Variants in ACTR3C observed in about 807,000 individuals in gnomAD.
The protein encoded by ACTR3C is actin related protein 3C.
A neutral mutation model predicts 26.3 loss-of-function variants in ACTR3C; 18 were observed. The ratio of observed to expected loss-of-function variants is 0.68; its 90% CI spans 0.47 to 1.01. The LOEUF (loss-of-function observed/expected upper bound fraction) is 1.01. ACTR3C is among the 50% of genes least tolerant of loss of function. The pLI is 0.00. For synonymous variants in ACTR3C, 55 were observed against 94.5 expected (o/e 0.58, Z 2.42); for missense variants, 184 against 250.7 (o/e 0.73, Z 1.80).
the ACTR3C span, among the ~76,000 whole-genome samples, chr7:149,975,966 CA>C: frequency 6.6e-6 from 1 of 152,122 alleles, no homozygotes; most frequent in Non-Finnish European, 1.5e-5. Flanking sequence ...TCACCAAAAC[CA>C]AAAGTTGATT....
chr7:149,956,221 G>T, the ACTR3C span, among the ~76,000 whole-genome samples: 1 of 152,100 alleles, frequency 6.6e-6, no homozygotes, highest in African/African-American at 2.4e-5. Context: ...AGGTTATTGT[G>T]TATAGACTAG....
the ACTR3C span, among the ~76,000 whole-genome samples, chr7:150,094,696 G>A: frequency 6.6e-6 from 1 of 150,518 alleles, no homozygotes; most frequent in South Asian, 2.1e-4. Flanking sequence ...CAGCCCGCCT[G>A]ACCCCATTGA....
chr7:150,019,599 A>AAATAAAAATAATAAT, the ACTR3C span, among the ~76,000 whole-genome samples: 276 of 109,798 alleles, frequency 2.5e-3, no homozygotes, highest in African/African-American at 8.6e-3. Context: ...TCAAAAATAA[A>AAATAAAAATAATAAT]AATAATAATA....
At chr7:150,291,394 A>G (rs1231867981) in intron 3 of ACTR3C, among the ~76,000 whole-genome samples, 3 of 152,130 alleles carry the variant, frequency 2.0e-5, no homozygotes, top group Admixed American at 1.3e-4. Context: ...GTGCCATTGC[A>G]CTCCAGCCTG....
the ACTR3C span, among the ~76,000 whole-genome samples, chr7:150,143,289 T>A: frequency 6.6e-6 from 1 of 152,078 alleles, no homozygotes; most frequent in Non-Finnish European, 1.5e-5. Flanking sequence ...GGGATGAAGT[T>A]AGCTGGCCTA....
chr7:150,199,167 G>C, the ACTR3C span, among the ~76,000 whole-genome samples: 1 of 147,264 alleles, frequency 6.8e-6, no homozygotes, highest in Admixed American at 6.7e-5. Context: ...ATAGAAAGGC[G>C]GGAAAGGTGG....
the ACTR3C span, among the ~76,000 whole-genome samples, chr7:149,981,599 A>T: frequency 6.7e-6 from 1 of 149,720 alleles, no homozygotes; most frequent in Non-Finnish European, 1.5e-5. Context: ...TCTGTTTACC[A>T]TGAGCTGATG....
At chr7:150,065,000 T>C in the ACTR3C span, among the ~76,000 whole-genome samples, 1 of 152,092 alleles carries the variant, frequency 6.6e-6, no homozygotes, top group African/African-American at 2.4e-5. Context: ...TTGAGCTTCC[T>C]GATGCTTTTA....
At chr7:150,084,093 A>G in the ACTR3C span, among the ~76,000 whole-genome samples, 1 of 152,146 alleles carries the variant, frequency 6.6e-6, no homozygotes, top group East Asian at 1.9e-4. Context: ...GCTGGTCTTG[A>G]ATTCCTGGGC....
At chr7:150,125,668 T>C in the ACTR3C span, among the ~76,000 whole-genome samples, 1 of 152,216 alleles carries the variant, frequency 6.6e-6, no homozygotes, top group Non-Finnish European at 1.5e-5. Flanking sequence ...TTCTAGCAAA[T>C]TTAAGATTCC....
the ACTR3C span, among the ~76,000 whole-genome samples, chr7:149,985,071 T>C: frequency 6.6e-6 from 1 of 152,124 alleles, no homozygotes; most frequent in Non-Finnish European, 1.5e-5. Context: ...GTTAGTCATA[T>C]CCTCCCATCA....
At chr7:150,263,396 T>C (rs1392403382) in intron 6 of ACTR3C, among the ~76,000 whole-genome samples, 1 of 152,242 alleles carries the variant, frequency 6.6e-6, no homozygotes, top group Admixed American at 6.5e-5. Context: ...CATGATGCTA[T>C]TAAGAGAATT....
At chr7:150,152,979 G>A in the ACTR3C span, among the ~76,000 whole-genome samples, 1 of 152,230 alleles carries the variant, frequency 6.6e-6, no homozygotes, top group East Asian at 1.9e-4. Flanking sequence ...GGGGTCAGTG[G>A]TGATATCCCC....
At chr7:150,073,516 C>T in the ACTR3C span, 274 of 147,928 alleles carry the variant, frequency 1.9e-3, 1 homozygote, top group African/African-American at 6.6e-3. Context: ...TTTAAAAGTA[C>T]TCATGCTATG....
intron 1 of ACTR3C, among the ~76,000 whole-genome samples, chr7:150,315,076 ATATT>A (rs1325717592): frequency 6.1e-5 from 9 of 147,178 alleles, no homozygotes; most frequent in East Asian, 1.9e-4. Flanking sequence ...AAATAAGAAA[ATATT>A]TATTATTTAT....
chr7:150,168,275 GTCAGAT>G, the ACTR3C span, among the ~76,000 whole-genome samples: 33 of 150,888 alleles, frequency 2.2e-4, no homozygotes, highest in Non-Finnish European at 4.0e-4. Flanking sequence ...TCTGCCTCCT[GTCAGAT>G]CAGCAGCGGC....
At chr7:149,968,100 T>G in the ACTR3C span, among the ~76,000 whole-genome samples, 4 of 152,250 alleles carry the variant, frequency 2.6e-5, no homozygotes, top group African/African-American at 9.6e-5. Flanking sequence ...ATTCTGTAGT[T>G]ACACTCCCCA....
the ACTR3C span, among the ~76,000 whole-genome samples, chr7:150,161,202 TTATA>T: frequency 0.012 from 1,213 of 102,986 alleles, 142 homozygotes; most frequent in African/African-American, 0.047. Flanking sequence ...AGGAAAGTAT[TTATA>T]TATATATATA....
At chr7:149,991,435 G>A in the ACTR3C span, among the ~76,000 whole-genome samples, 12 of 152,306 alleles carry the variant, frequency 7.9e-5, no homozygotes, top group Admixed American at 3.9e-4. Context: ...AAGGCTGGTC[G>A]TTATTTGCAG....
Sources: gnomAD v4.1 joint callset for allele counts (sites outside exome capture counted in the v4.1 genomes callset) on GRCh38, gnomAD v4.1.1 for gene constraint, MANE v1.5 for transcripts, NCBI Gene and HGNC (gene_info 2026-07-23, HGNC 2026-07-21) for gene names.